Variants in ATXN1 observed in about 807,000 individuals in gnomAD.
ATXN1 encodes ataxin 1, also known as ataxin-1.
A neutral mutation model predicts 56.4 loss-of-function variants in ATXN1; 8 were observed. The ratio of observed to expected loss-of-function variants is 0.14; its 90% CI spans 0.08 to 0.26. The LOEUF (loss-of-function observed/expected upper bound fraction) is 0.26. Ranked by LOEUF, ATXN1 falls within the 10% of genes least tolerant of loss-of-function variation. The pLI is 1.00. For missense variants in ATXN1, 987 were observed against 1,106.5 expected (o/e 0.89, Z 1.53); for synonymous variants, 514 against 494.6 (o/e 1.04, Z -0.52).
intron 4 of ATXN1, among the ~76,000 whole-genome samples, chr6:16,561,205 T>C (rs1762110495): frequency 6.6e-6 from 1 of 152,168 alleles, no homozygotes; most frequent in Non-Finnish European, 1.5e-5. Context: ...ATCCATGAGT[T>C]CATTCTGGGC....
rs112477802 is a variant in ATXN1 at position 16,380,477 on chromosome 6, C to CTT, written c.-160-52009_-160-52008dup. On this transcript the variant is annotated intron_variant, in intron 6 of 7. Coordinates refer to ENST00000436367, the MANE Select transcript of ATXN1 (RefSeq NM_001128164.2). ...TAGTAAGGAACTGGCATCCATGTGACTTTTTTTTTTTTTTAAAAGCCTTCT... is the reference window on the plus strand; with the variant it reads ...TAGTAAGGAACTGGCATCCATGTGACTTTTTTTTTTTTTTTTAAAAGCCTTCT... 3.3e-3 allele frequency among the ~76,000 whole-genome samples: 469 copies of CTT among 142,936 alleles called. 1 individual carries two copies. The highest frequency in any genetic ancestry group is 0.011 in the African/African-American group (436 of 39,336). The allele number at this position is 142,936 out of a possible 152,430, so 93.8% of individuals were successfully genotyped here.
At chr6:16,602,299 G>A (rs1762925694) in intron 3 of ATXN1, among the ~76,000 whole-genome samples, 1 of 152,088 alleles carries the variant, frequency 6.6e-6, no homozygotes, top group African/African-American at 2.4e-5. Flanking sequence ...ACACCACAGT[G>A]TTTCAATATG....
At chr6:16,725,325 T>C (rs1443630281) in intron 2 of ATXN1, among the ~76,000 whole-genome samples, 1 of 152,166 alleles carries the variant, frequency 6.6e-6, no homozygotes, top group African/African-American at 2.4e-5. Context: ...AGGAGTGTGA[T>C]TGTTAATTTG....
intron 2 of ATXN1, among the ~76,000 whole-genome samples, chr6:16,712,721 T>C (rs1462718977): frequency 3.3e-5 from 5 of 151,698 alleles, no homozygotes; most frequent in Non-Finnish European, 7.4e-5. Context: ...TTTGCTTTTT[T>C]TTTTTTTCTT....
At chr6:16,335,363 C>T (rs1309095202) in intron 6 of ATXN1, among the ~76,000 whole-genome samples, 1 of 152,232 alleles carries the variant, frequency 6.6e-6, no homozygotes, top group Non-Finnish European at 1.5e-5. Flanking sequence ...CCTGGCACAA[C>T]TTTGTAGAAG....
intron 6 of ATXN1, among the ~76,000 whole-genome samples, chr6:16,331,965 A>G (rs918565340): frequency 3.9e-5 from 6 of 152,246 alleles, no homozygotes; most frequent in African/African-American, 1.4e-4. Context: ...GATTGCTAAG[A>G]CATATTGGCC....
At chr6:16,612,839 C>T (rs1221963107) in intron 3 of ATXN1, among the ~76,000 whole-genome samples, 1 of 149,716 alleles carries the variant, frequency 6.7e-6, no homozygotes, top group Non-Finnish European at 1.5e-5. Context: ...TGCAGTGAGC[C>T]GAGAGTGCAC....
At chr6:16,310,413 A>G (rs77527285) in intron 7 of ATXN1, among the ~76,000 whole-genome samples, 3,110 of 152,340 alleles carry the variant, frequency 0.02, 56 homozygotes, top group South Asian at 0.062. Context: ...AAGAGGAATG[A>G]AAATGGTAGA....
intron 2 of ATXN1, among the ~76,000 whole-genome samples, chr6:16,745,724 C>T (rs1031787477): frequency 2.0e-5 from 3 of 152,020 alleles, no homozygotes; most frequent in Non-Finnish European, 4.4e-5. Context: ...GTGCTTAGTC[C>T]TTCCCAAGAG....
At chr6:16,708,665 T>C (rs1759458529) in intron 2 of ATXN1, among the ~76,000 whole-genome samples, 1 of 151,912 alleles carries the variant, frequency 6.6e-6, no homozygotes, top group African/African-American at 2.4e-5. Flanking sequence ...GGAAGATACA[T>C]CAATCTTAAA....
At chr6:16,534,080 A>G (rs1293254427) in intron 4 of ATXN1, among the ~76,000 whole-genome samples, 1 of 152,124 alleles carries the variant, frequency 6.6e-6, no homozygotes, top group African/African-American at 2.4e-5. Context: ...GACCACATAT[A>G]TATGACACTG....
At chr6:16,728,275 C>A (rs923762525) in intron 2 of ATXN1, among the ~76,000 whole-genome samples, 2 of 152,172 alleles carry the variant, frequency 1.3e-5, no homozygotes, top group Non-Finnish European at 2.9e-5. Flanking sequence ...GCGCACAGGG[C>A]AGTGGGGAGG....
At chr6:16,625,276 G>A (rs1283814687) in intron 3 of ATXN1, among the ~76,000 whole-genome samples, 1 of 152,176 alleles carries the variant, frequency 6.6e-6, no homozygotes, top group African/African-American at 2.4e-5. Context: ...ATGGCCATAG[G>A]CCCACTAGGG....
At chr6:16,344,169 G>T (rs1331835284) in intron 6 of ATXN1, among the ~76,000 whole-genome samples, 1 of 152,026 alleles carries the variant, frequency 6.6e-6, no homozygotes, top group African/African-American at 2.4e-5. Context: ...TCTCCTCTGT[G>T]CCTCCTTAGC....
At chr6:16,562,573 C>T (rs78839772) in intron 4 of ATXN1, among the ~76,000 whole-genome samples, 14,399 of 151,438 alleles carry the variant, frequency 0.095, 790 homozygotes, top group African/African-American at 0.15. Flanking sequence ...CAGCAGCCAC[C>T]GTAGGAAATA....
intron 6 of ATXN1, among the ~76,000 whole-genome samples, chr6:16,390,797 T>C (rs1230847378): frequency 6.6e-6 from 1 of 151,942 alleles, no homozygotes; most frequent in Admixed American, 6.6e-5. Flanking sequence ...TCCTCTCCAC[T>C]GCAGCATCTC....
chr6:16,439,900 C>T (rs1339684147), intron 6 of ATXN1, among the ~76,000 whole-genome samples: 1 of 145,662 alleles, frequency 6.9e-6, no homozygotes, highest in Non-Finnish European at 1.6e-5. Flanking sequence ...CATGGTGAAA[C>T]CCCATCTTTA....
chr6:16,714,738 C>T (rs928071152), intron 2 of ATXN1, among the ~76,000 whole-genome samples: 1 of 152,072 alleles, frequency 6.6e-6, no homozygotes, highest in Non-Finnish European at 1.5e-5. Context: ...AAAAAAGATA[C>T]TCATGCTGTA....
At chr6:16,631,402 A>G (rs1763501353) in intron 3 of ATXN1, among the ~76,000 whole-genome samples, 1 of 152,168 alleles carries the variant, frequency 6.6e-6, no homozygotes, top group Non-Finnish European at 1.5e-5. Context: ...ATCTGCTTTC[A>G]CTCACTGACA....
Sources: allele counts gnomAD v4.1 joint callset (sites outside exome capture counted in the v4.1 genomes callset), GRCh38; gene constraint gnomAD v4.1.1; transcripts MANE v1.5; gene names NCBI Gene and HGNC (gene_info 2026-07-23, HGNC 2026-07-21).